Variants in CACNG2 observed in about 807,000 individuals in gnomAD.
CACNG2 encodes the protein voltage-dependent calcium channel gamma-2 subunit.
A neutral mutation model predicts 25.9 loss-of-function variants in CACNG2; 3 were observed. That is an observed-to-expected ratio of 0.12 (90% CI 0.05 to 0.30). The LOEUF is 0.30. Among genes scored for constraint, CACNG2 ranks in the 10% least tolerant of loss-of-function variants. CACNG2 has a pLI of 1.00. For synonymous variants in CACNG2, 167 were observed against 173.3 expected, an observed-to-expected ratio of 0.96 and a Z score of 0.29; for missense variants, 341 against 432.5, an observed-to-expected ratio of 0.79 and a Z score of 1.88.
chr22:36,614,968 C>T lies in CACNG2; in HGVS notation c.212-27420G>A, dbSNP rs534340993. On this transcript the variant is annotated intron_variant, in intron 1 of 3. Transcript: ENST00000300105. ...CCTTGTCCTTGCCTCATCTCTTGAG[C>T]GGTGCCAGATGACAAGGGCCTCTGT... 8.5e-5 allele frequency among the ~76,000 whole-genome samples: 13 copies of T among 152,284 alleles called. No individual in the cohort carries two copies. The South Asian group carries it at 1.2e-3, about 15-fold the overall frequency.
chr22:36,590,050 C>T (rs998584966), intron 1 of CACNG2, among the ~76,000 whole-genome samples: 5 of 152,166 alleles, frequency 3.3e-5, no homozygotes, highest in African/African-American at 1.2e-4. Flanking sequence ...TGCCCTGAGG[C>T]GTCCCACAAA....
chr22:36,633,609 T>A (rs1438822527), intron 1 of CACNG2, among the ~76,000 whole-genome samples: 1 of 152,236 alleles, frequency 6.6e-6, no homozygotes, highest in Non-Finnish European at 1.5e-5. Flanking sequence ...TATTTAGACA[T>A]GTCTGTTTTG....
rs73169692 is a variant in CACNG2, at chr22:36,561,094, C to T, written c.*3257G>A. 3,666 of 152,334 alleles carry T rather than the reference C, an allele frequency of 0.024. 80 individuals are homozygous for T. The highest frequency in any genetic ancestry group is 0.036 in the East Asian group (187 of 5,172). The allele number at this position is 152,334 out of a possible 1,614,324, so 9.4% of individuals were successfully genotyped here. A position where few individuals can be genotyped will look rare whatever the true frequency, so the allele number is the denominator to read the frequency against. On this transcript the variant is annotated 3_prime_UTR_variant, in exon 4 of 4. Coordinates refer to ENST00000300105, the MANE Select transcript of CACNG2 (RefSeq NM_006078.5). ...CCGGTCCTGGCTCCTTCCCTCCGGA[C>T]CCCCTAGCCCCTTCTCAGCCATGGC...
chr22:36,651,073 C>G (rs1042705598), intron 1 of CACNG2, among the ~76,000 whole-genome samples: 2 of 152,106 alleles, frequency 1.3e-5, no homozygotes, highest in Non-Finnish European at 2.9e-5. Flanking sequence ...GTCTTTTTCT[C>G]CTTAGCTCTT....
rs535250719 is a variant in CACNG2 at position 36,586,474 on chromosome 22, C to T, written c.295+991G>A. 3.9e-5 allele frequency among the ~76,000 whole-genome samples: 6 copies of T among 152,354 alleles called. No individual in the cohort carries two copies. The East Asian group carries it at 1.2e-3, about 29-fold the overall frequency. On this transcript the variant is annotated intron_variant, in intron 2 of 3. Transcript: ENST00000300105. ...TCTTTCTTCCCAGCTGCCTGGCTGA[C>T]TTTACATTCCACGGGCTTTTCAATG...
intron 1 of CACNG2, among the ~76,000 whole-genome samples, chr22:36,622,921 T>G (rs1267032021): frequency 1.3e-5 from 2 of 150,818 alleles, no homozygotes; most frequent in South Asian, 2.1e-4. Flanking sequence ...ATTGCGCCAT[T>G]GCACTCCAGC....
chr22:36,682,912 T>TA (rs934232771), intron 1 of CACNG2, among the ~76,000 whole-genome samples: 5 of 152,138 alleles, frequency 3.3e-5, no homozygotes, highest in Non-Finnish European at 5.9e-5. Flanking sequence ...TTCCTTCATT[T>TA]AAAAAAAATC....
intron 1 of CACNG2, among the ~76,000 whole-genome samples, chr22:36,613,402 G>A (rs544673264): frequency 6.6e-6 from 1 of 152,250 alleles, no homozygotes; most frequent in East Asian, 1.9e-4. Context: ...ATCTACACAT[G>A]CCCCTACAGC....
At chr22:36,576,529 TA>T (rs1252831445) in intron 2 of CACNG2, among the ~76,000 whole-genome samples, 7 of 125,404 alleles carry the variant, frequency 5.6e-5, no homozygotes, top group African/African-American at 2.1e-4. Flanking sequence ...CCTCTGGAAA[TA>T]AAAAATTAAA....
intron 1 of CACNG2, among the ~76,000 whole-genome samples, chr22:36,681,542 A>AT (rs368573722): frequency 5.8e-4 from 45 of 77,778 alleles, no homozygotes; most frequent in African/African-American, 3.4e-3. Flanking sequence ...AATTAAATCC[A>AT]TTTTTTGGGG....
At chr22:36,651,594 T>C (rs1407673575) in intron 1 of CACNG2, among the ~76,000 whole-genome samples, 2 of 152,204 alleles carry the variant, frequency 1.3e-5, no homozygotes, top group Non-Finnish European at 2.9e-5. Flanking sequence ...CAAATTATGT[T>C]AGTTGATCCT....
intron 1 of CACNG2, among the ~76,000 whole-genome samples, chr22:36,629,506 TTGTGTG>T (rs150636418): frequency 8.7e-5 from 13 of 148,600 alleles, no homozygotes; most frequent in Non-Finnish European, 1.8e-4. Flanking sequence ...GTGTGTGTGT[TTGTGTG>T]TGTGTGTGTG....
intron 1 of CACNG2, among the ~76,000 whole-genome samples, chr22:36,679,056 T>C (rs1419222722): frequency 6.6e-6 from 1 of 152,244 alleles, no homozygotes; most frequent in Non-Finnish European, 1.5e-5. Flanking sequence ...GGCTGTGCCT[T>C]AACTGATACT....
chr22:36,684,620 A>AAAAAC (rs958868501), intron 1 of CACNG2, among the ~76,000 whole-genome samples: 17 of 151,976 alleles, frequency 1.1e-4, no homozygotes, highest in African/African-American at 3.6e-4. Flanking sequence ...TGTCTCAAAA[A>AAAAAC]AAAAAAAAAA....
rs551507775 is a variant in CACNG2, at chr22:36,567,284, G to T, written c.296-791C>A. 4.6e-5 allele frequency among the ~76,000 whole-genome samples: 7 copies of T among 152,308 alleles called. No homozygotes were observed. In the South Asian group the frequency reaches 1.4e-3, roughly 32 times the overall value. ...GCATGATATTATAATAAATATTTGT[G>T]TATACATATGCTTCCACCATGAACC... On this transcript the variant is annotated intron_variant, in intron 2 of 3. Transcript: ENST00000300105.
intron 1 of CACNG2, among the ~76,000 whole-genome samples, chr22:36,610,141 A>C (rs760992255): frequency 6.6e-5 from 10 of 150,954 alleles, no homozygotes; most frequent in Non-Finnish European, 1.5e-4. Context: ...ATCCGGCAGG[A>C]ATCAGTATCC....
At chr22:36,655,559 G>A (rs1019481406) in intron 1 of CACNG2, among the ~76,000 whole-genome samples, 5 of 152,218 alleles carry the variant, frequency 3.3e-5, no homozygotes, top group African/African-American at 4.8e-5. Flanking sequence ...TCAGCCCATA[G>A]CTAAGACTGT....
At chr22:36,593,510 G>A (rs995453018) in intron 1 of CACNG2, among the ~76,000 whole-genome samples, 13 of 152,288 alleles carry the variant, frequency 8.5e-5, no homozygotes, top group African/African-American at 3.1e-4. Flanking sequence ...AAACACTCTC[G>A]ACAGTGAGAG....
intron 1 of CACNG2, among the ~76,000 whole-genome samples, chr22:36,597,820 G>A (rs978794117): frequency 2.0e-5 from 3 of 152,096 alleles, no homozygotes; most frequent in Admixed American, 6.5e-5. Flanking sequence ...AAGTGCCCAC[G>A]CTGCCAGGCC....
Sources: allele counts gnomAD v4.1 joint callset (sites outside exome capture counted in the v4.1 genomes callset), GRCh38; gene constraint gnomAD v4.1.1; transcripts MANE v1.5; gene names NCBI Gene and HGNC (gene_info 2026-07-23, HGNC 2026-07-21).